Variants in HGD observed in about 807,000 individuals in gnomAD.
The protein encoded by HGD is homogentisate oxidase.
In HGD, 61 loss-of-function variants were observed where a neutral mutation model predicts 60.8. The ratio of observed to expected loss-of-function variants is 1.00; its 90% CI spans 0.82 to 1.24. HGD has a LOEUF of 1.24. Ranked by LOEUF, HGD falls within the 50% of genes most tolerant of loss-of-function variation. The pLI is 0.00. For missense variants in HGD, 542 were observed against 547.1 expected (o/e 0.99, Z 0.09); for synonymous variants, 212 against 187.7 (o/e 1.13, Z -1.06).
intron 13 of HGD, among the ~76,000 whole-genome samples, chr3:120,631,161 T>G (rs557851393): frequency 4.9e-4 from 74 of 152,018 alleles, no homozygotes; most frequent in Non-Finnish European, 1.8e-4. Context: ...AAATAATCTG[T>G]ACAATAAACC....
intron 11 of HGD, 149 bp from the exon 12 acceptor site, chr3:120,638,730 T>A: frequency 1.1e-6 from 1 of 880,480 alleles, no homozygotes; most frequent in Non-Finnish European, 1.8e-6. Context: ...GATAGAGGGA[T>A]ACATATGCAG....
chr3:120,647,975 T>A, intron 6 of HGD, 64 bp from the exon 7 acceptor site: 2 of 1,307,612 alleles, frequency 1.5e-6, no homozygotes, highest in Non-Finnish European at 2.2e-6. Flanking sequence ...AATTACGTCA[T>A]AACACAAATC....
In HGD at chr3:120,633,330, T is replaced by C; in HGVS notation, c.1007-2A>G. 1 of 1,614,188 alleles carries C rather than the reference T, an allele frequency of 6.2e-7. No individual in the cohort carries two copies. Among genetic ancestry groups the C allele is most frequent in the Non-Finnish European group, 8.5e-7 (1 of 1,180,012 alleles). ...CCATGAACTCACTCATGCAGTTCCC[T>C]GGGAAGGTTGAAGCAGTATTATTTT... On this transcript the variant is annotated splice_acceptor_variant, in intron 12 of 13. Transcript: ENST00000283871. LOFTEE classifies it high-confidence loss of function.
chr3:120,675,086 C>A lies in HGD; in HGVS notation c.88-97G>T. ...AGTAGGGGGATGGGGATGCTCTGGG[C>A]GACTGCACATGACCATCTGCAACCC... On this transcript the variant is annotated intron_variant, in intron 2 of 13. Transcript: ENST00000283871. 3.7e-6 allele frequency: 3 copies of A among 804,384 alleles called. No homozygotes were observed. In the South Asian group the frequency reaches 4.0e-5, roughly 11 times the overall value. 49.8% of individuals were successfully genotyped at this position (804,384 alleles called of 1,614,324 possible).
chr3:120,671,698 T>C (rs919360254), intron 3 of HGD, among the ~76,000 whole-genome samples: 2 of 152,214 alleles, frequency 1.3e-5, no homozygotes, highest in African/African-American at 4.8e-5. Context: ...CGTATGTTTA[T>C]TGCAGCACTA....
Position 120,662,183 on chromosome 3 carries a change from C to G in HGD, c.282+8244G>C, listed in dbSNP as rs574433618. On this transcript the variant is annotated intron_variant, in intron 4 of 13. Coordinates refer to ENST00000283871, the MANE Select transcript of HGD (RefSeq NM_000187.4). The stretch of plus-strand genomic sequence containing the variant: ...GAGCTCTTGATCTCTTATCTGGAAG[C>G]CTGCACTGGATTGGCTGGGCAGTGG... Among the ~76,000 whole-genome samples the G allele has an allele frequency of 2.6e-5, 4 of 152,154 alleles. No homozygotes were observed. The South Asian group carries it at 8.3e-4, about 32-fold the overall frequency.
At chr3:120,669,774 C>A (rs1054455031) in intron 4 of HGD, among the ~76,000 whole-genome samples, 5 of 152,166 alleles carry the variant, frequency 3.3e-5, no homozygotes, top group Non-Finnish European at 7.3e-5. Flanking sequence ...CAGAACCTAT[C>A]CTGGCTCAGG....
chr3:120,634,496 A>ATATAATTATAT (rs1940695769), intron 12 of HGD, among the ~76,000 whole-genome samples: 1 of 152,134 alleles, frequency 6.6e-6, no homozygotes, highest in African/African-American at 2.4e-5. Context: ...CCATCCAGTT[A>ATATAATTATAT]GCCAGCACAT....
At chr3:120,681,427 C>T (rs1708228494) in intron 1 of HGD, among the ~76,000 whole-genome samples, 2 of 152,212 alleles carry the variant, frequency 1.3e-5, no homozygotes. Context: ...CGCATTCAAA[C>T]ATACCCTGCT....
intron 3 of HGD, among the ~76,000 whole-genome samples, chr3:120,673,298 AC>A (rs1307045625): frequency 1.3e-5 from 2 of 152,284 alleles, no homozygotes; most frequent in East Asian, 3.9e-4. Flanking sequence ...TGAAATGCCA[AC>A]AGCTCCTTTT....
intron 4 of HGD, among the ~76,000 whole-genome samples, chr3:120,669,925 T>C (rs3819372): frequency 0.41 from 61,733 of 151,808 alleles, 13,027 homozygotes; most frequent in African/African-American, 0.51. Context: ...TGTCTGTGTC[T>C]CACCCAAATC....
At chr3:120,680,683 C>G (rs1367727217) in intron 1 of HGD, among the ~76,000 whole-genome samples, 1 of 152,210 alleles carries the variant, frequency 6.6e-6, no homozygotes, top group Non-Finnish European at 1.5e-5. Context: ...CCTGCCCACT[C>G]CCCTGAAATC....
At position 120,652,768 on chromosome 3, in the gene HGD, C is replaced by G. The variant is rs143314631; in HGVS notation, c.283-117G>C. ...GGACAGCTACCCCCTCTGTGAGGCT[C>G]TACTTGTGATTTTGTTATATTAAAA... is the stretch of plus-strand genomic sequence containing the variant. On this transcript the variant is annotated intron_variant, in intron 4 of 13. Transcript: ENST00000283871. 5,840 of 703,160 alleles carry G rather than the reference C, an allele frequency of 8.3e-3. 42 individuals are homozygous for G. Among genetic ancestry groups the G allele is most frequent in the Non-Finnish European group, 0.012 (4,636 of 396,136 alleles). 43.6% of individuals were successfully genotyped at this position (703,160 alleles called of 1,614,324 possible). A position where few individuals can be genotyped will look rare whatever the true frequency, so the allele number is the denominator to read the frequency against.
At position 120,635,129 on chromosome 3, in the gene HGD, A is replaced by ATTTTCTATATT. The variant is rs1323460909; in HGVS notation, c.1007-1802_1007-1801insAATATAGAAAA. Among the ~76,000 whole-genome samples, 37 of 152,302 alleles carry ATTTTCTATATT rather than the reference A, an allele frequency of 2.4e-4. 1 individual carries two copies. The highest frequency in any genetic ancestry group is 2.4e-3 in the Admixed American group (37 of 15,300). ...GTGAGCTTGGTGATGACATTTCTAT[A>ATTTTCTATATT]TCATTTTCTATATTTCAAAGGACAG... On this transcript the variant is annotated intron_variant, in intron 12 of 13. Transcript: ENST00000283871.
At chr3:120,656,857 G>A (rs1941514208) in intron 4 of HGD, among the ~76,000 whole-genome samples, 1 of 152,162 alleles carries the variant, frequency 6.6e-6, no homozygotes, top group Non-Finnish European at 1.5e-5. Context: ...TGGACCGTGA[G>A]ATCTTTTGGA....
rs1303750186 is a variant in HGD at position 120,675,798 on chromosome 3, T to C, written c.81A>G (p.Glu27=). ...EDPRCPGSLP[E]GQNNPQVCPY... ...GCACTTTATTTGCTCATACCTGTCCTTCTGGCAGGGAACCTGGGCAGCGAG... is the reference window on the plus strand; with the variant it reads ...GCACTTTATTTGCTCATACCTGTCCCTCTGGCAGGGAACCTGGGCAGCGAG... Residue 27 remains glutamate, a synonymous_variant, in exon 2 of 14, where the codon GAA becomes GAG. Coordinates refer to ENST00000283871, the MANE Select transcript of HGD (RefSeq NM_000187.4). The C allele has an allele frequency of 6.2e-7, 1 of 1,612,940 alleles. No homozygotes were observed. Among genetic ancestry groups the C allele is most frequent in the South Asian group, 1.1e-5 (1 of 91,058 alleles).
chr3:120,647,396 A>C (rs1018576434), intron 7 of HGD, among the ~76,000 whole-genome samples: 1 of 152,194 alleles, frequency 6.6e-6, no homozygotes, highest in African/African-American at 2.4e-5. Flanking sequence ...TGACATATAC[A>C]CGAAAATGTT....
chr3:120,630,244 C>T (rs543564847), intron 13 of HGD, among the ~76,000 whole-genome samples: 36 of 152,196 alleles, frequency 2.4e-4, no homozygotes, highest in Non-Finnish European at 4.4e-4. Flanking sequence ...AAAATACCAA[C>T]GACATTCTTC....
chr3:120,675,496 T>TCC (rs2107557014), intron 2 of HGD, among the ~76,000 whole-genome samples: 1 of 152,318 alleles, frequency 6.6e-6, no homozygotes, highest in East Asian at 1.9e-4. Flanking sequence ...AATGCTCACA[T>TCC]CCATGGTGTT....
Sources: allele counts gnomAD v4.1 joint callset (sites outside exome capture counted in the v4.1 genomes callset), GRCh38; gene constraint gnomAD v4.1.1; transcripts MANE v1.5; gene names NCBI Gene and HGNC (gene_info 2026-07-23, HGNC 2026-07-21).